Variants in ASIC2 observed in about 807,000 individuals in gnomAD.
The protein encoded by ASIC2 is acid-sensing ion channel 2.
A neutral mutation model predicts 57.3 loss-of-function variants in ASIC2; 25 were observed. That is an observed-to-expected ratio of 0.44 (90% confidence interval 0.32 to 0.61). The LOEUF is 0.61. ASIC2 is among the 20% of genes least tolerant of loss of function. The pLI is 0.06. For missense variants in ASIC2, 641 were observed against 738.1 expected (o/e 0.87, Z 1.52); for synonymous variants, 319 against 307.5 (o/e 1.04, Z -0.39).
intron 1 of ASIC2, among the ~76,000 whole-genome samples, chr17:33,343,736 T>C (rs1041537907): frequency 1.3e-5 from 2 of 152,204 alleles, no homozygotes; most frequent in Admixed American, 6.5e-5. Context: ...TTCCACTCCA[T>C]GGCCCCCAGG....
chr17:33,399,562 TC>T (rs1429764249), intron 1 of ASIC2, among the ~76,000 whole-genome samples: 1 of 152,226 alleles, frequency 6.6e-6, no homozygotes, highest in Non-Finnish European at 1.5e-5. Flanking sequence ...TATGGCCTGT[TC>T]CCCACAGCAT....
At chr17:33,579,680 G>A (rs1043108272) in intron 1 of ASIC2, among the ~76,000 whole-genome samples, 1 of 152,194 alleles carries the variant, frequency 6.6e-6, no homozygotes, top group African/African-American at 2.4e-5. Context: ...CAGACTTCTA[G>A]AGTGAAGCTA....
intron 2 of ASIC2, among the ~76,000 whole-genome samples, chr17:33,091,147 G>A (rs1273824356): frequency 6.6e-6 from 1 of 152,216 alleles, no homozygotes; most frequent in Non-Finnish European, 1.5e-5. Context: ...TGGCCCTCAG[G>A]TGGAACCTCA....
intron 1 of ASIC2, among the ~76,000 whole-genome samples, chr17:34,077,306 C>A (rs1242935651): frequency 6.6e-6 from 1 of 152,170 alleles, no homozygotes; most frequent in Non-Finnish European, 1.5e-5. Context: ...GACCTCTGGC[C>A]CTGGGCTCCT....
intron 1 of ASIC2, among the ~76,000 whole-genome samples, chr17:33,578,008 G>A (rs186980785): frequency 4.6e-5 from 7 of 152,192 alleles, no homozygotes; most frequent in African/African-American, 1.4e-4. Context: ...TCCATTTACA[G>A]GTTTTGCACA....
intron 1 of ASIC2, among the ~76,000 whole-genome samples, chr17:33,771,590 G>A (rs575002387): frequency 3.3e-5 from 5 of 152,024 alleles, no homozygotes; most frequent in Non-Finnish European, 7.4e-5. Context: ...TTTGCCTGAG[G>A]GCTGAGCTTG....
intron 1 of ASIC2, among the ~76,000 whole-genome samples, chr17:33,310,409 G>T (rs1906361914): frequency 6.6e-6 from 1 of 152,096 alleles, no homozygotes; most frequent in African/African-American, 2.4e-5. Flanking sequence ...ACACATCTAG[G>T]CTGATCATTA....
At chr17:33,644,972 G>A (rs538649654) in intron 1 of ASIC2, among the ~76,000 whole-genome samples, 3 of 152,294 alleles carry the variant, frequency 2.0e-5, no homozygotes, top group South Asian at 4.1e-4. Context: ...TAGGTAATAA[G>A]GATAATTGCC....
At chr17:34,038,508 T>C in intron 1 of ASIC2, 2 of 1,611,970 alleles carry the variant, frequency 1.2e-6, no homozygotes, top group Non-Finnish European at 8.5e-7. Flanking sequence ...TCAAATGCCT[T>C]GTAAACTTCA....
chr17:33,453,394 G>A lies in ASIC2; in HGVS notation c.556-341327C>T, dbSNP rs563644363. Among the ~76,000 whole-genome samples the A allele has an allele frequency of 2.0e-5, 3 of 152,144 alleles. No homozygotes were observed. In the South Asian group the frequency reaches 6.2e-4, roughly 32 times the overall value. ...TCCTCTCCTACATATTTTTCTAAGG[G>A]AGGGTGATGGACTCTAGAGCCAGAA... On this transcript the variant is annotated intron_variant, in intron 1 of 9. Coordinates refer to the ASIC2 transcript ENST00000359872.
intron 1 of ASIC2, among the ~76,000 whole-genome samples, chr17:34,018,458 G>A (rs752037170): frequency 6.6e-6 from 1 of 152,172 alleles, no homozygotes; most frequent in African/African-American, 2.4e-5. Flanking sequence ...GAATCAAAGA[G>A]TAATTGTGAC....
intron 1 of ASIC2, among the ~76,000 whole-genome samples, chr17:33,471,832 T>C (rs1397442927): frequency 6.6e-6 from 1 of 152,170 alleles, no homozygotes; most frequent in Non-Finnish European, 1.5e-5. Context: ...AGTTTCTGTA[T>C]GCCAACCACT....
At chr17:33,329,739 A>C (rs550614801) in intron 1 of ASIC2, among the ~76,000 whole-genome samples, 5 of 151,126 alleles carry the variant, frequency 3.3e-5, no homozygotes, top group Admixed American at 3.3e-4. Flanking sequence ...TTTCAGTTCC[A>C]GTTTTTTTTT....
chr17:33,288,299 A>G (rs1006023255), intron 1 of ASIC2, among the ~76,000 whole-genome samples: 3 of 152,130 alleles, frequency 2.0e-5, no homozygotes, highest in East Asian at 1.9e-4. Context: ...CTGCCTGTTG[A>G]GCAGGCAGGT....
chr17:34,039,654 G>T, intron 1 of ASIC2: 2 of 1,612,922 alleles, frequency 1.2e-6, no homozygotes, highest in Non-Finnish European at 1.7e-6. Context: ...CTTTCCCTTG[G>T]CTACTTTCAT....
chr17:33,476,214 C>T (rs1196595114), intron 1 of ASIC2, among the ~76,000 whole-genome samples: 1 of 152,142 alleles, frequency 6.6e-6, no homozygotes. Flanking sequence ...TTCTCCTATT[C>T]TCAGTCCCAG....
At chr17:33,704,195 G>C (rs1326819024) in intron 1 of ASIC2, among the ~76,000 whole-genome samples, 1 of 152,180 alleles carries the variant, frequency 6.6e-6, no homozygotes, top group Non-Finnish European at 1.5e-5. Flanking sequence ...CTCCTGAAGA[G>C]AGCATGCACG....
rs536911736 is a variant in ASIC2, at chr17:33,162,348, C to G, written c.709-50281G>C. 3.9e-5 allele frequency among the ~76,000 whole-genome samples: 6 copies of G among 152,286 alleles called. No homozygotes were observed. The East Asian group carries it at 1.2e-3, about 29-fold the overall frequency. ...TTCAGCGTTTTGGGCCAAAAAGCAT[C>G]GCCACATAAATCTCCTCGCACGGAA... On this transcript the variant is annotated intron_variant, in intron 1 of 9. Coordinates refer to ENST00000225823, the MANE Select transcript of ASIC2 (RefSeq NM_183377.2).
At chr17:33,970,732 G>T (rs74887187) in intron 1 of ASIC2, among the ~76,000 whole-genome samples, 24,992 of 152,144 alleles carry the variant, frequency 0.16, 2,204 homozygotes, top group East Asian at 0.36. Context: ...TAAGAAATGC[G>T]GTGAGCACAC....
Sources: allele counts gnomAD v4.1 joint callset (sites outside exome capture counted in the v4.1 genomes callset), GRCh38; gene constraint gnomAD v4.1.1; transcripts MANE v1.5; gene names NCBI Gene and HGNC (gene_info 2026-07-23, HGNC 2026-07-21).